ELMO1: variants seen among roughly 807,000 people sequenced by gnomAD.
ELMO1 encodes engulfment and cell motility 1, also known as engulfment and cell motility protein 1.
A neutral mutation model predicts 98.9 loss-of-function variants in ELMO1; 26 were observed. The ratio of observed to expected loss-of-function variants is 0.26; its 90% CI spans 0.19 to 0.36. The LOEUF (loss-of-function observed/expected upper bound fraction) is 0.36. Ranked by LOEUF, ELMO1 falls within the 10% of genes least tolerant of loss-of-function variation. The pLI is 1.00. For missense variants in ELMO1, 627 were observed against 935.2 expected (o/e 0.67, Z 4.30); for synonymous variants, 346 against 346.0 (o/e 1.00, Z 0.00).
chr7:37,161,333 A>G (rs535351734), intron 13 of ELMO1, among the ~76,000 whole-genome samples: 5 of 152,236 alleles, frequency 3.3e-5, no homozygotes, highest in South Asian at 4.1e-4. Context: ...CACCATTCTG[A>G]GCCCACACTT....
intron 21 of ELMO1, among the ~76,000 whole-genome samples, chr7:36,861,307 A>C (rs1036277588): frequency 6.6e-6 from 1 of 152,234 alleles, no homozygotes; most frequent in Non-Finnish European, 1.5e-5. Flanking sequence ...TTTAAAGAAG[A>C]GAGACCAGTT....
Position 37,363,815 on chromosome 7 carries a change from G to T in ELMO1, c.-73-21052C>A, listed in dbSNP as rs114812901. 3.4e-3 allele frequency among the ~76,000 whole-genome samples: 512 copies of T among 152,288 alleles called. 3 individuals are homozygous for T. The highest frequency in any genetic ancestry group is 0.012 in the African/African-American group (491 of 41,554). ...CCATAAGATCTAAACATTGGTAGAA[G>T]TTGAAAGAGAAGGAAGACACCTCCA... On this transcript the variant is annotated intron_variant, in intron 1 of 21. Transcript: ENST00000310758.
chr7:37,300,815 A>G (rs893247469), intron 4 of ELMO1, among the ~76,000 whole-genome samples: 5 of 151,064 alleles, frequency 3.3e-5, no homozygotes, highest in Admixed American at 1.3e-4. Flanking sequence ...CTCTTTTTCT[A>G]TTGATTGGAA....
intron 15 of ELMO1, among the ~76,000 whole-genome samples, chr7:37,072,002 T>C (rs1797300185): frequency 6.6e-6 from 1 of 152,224 alleles, no homozygotes; most frequent in Non-Finnish European, 1.5e-5. Flanking sequence ...AGTAAACAAG[T>C]TCTTCTTGAG....
chr7:36,919,544 A>T (rs1008776946), intron 16 of ELMO1: 6 of 374,698 alleles, frequency 1.6e-5, no homozygotes, highest in African/African-American at 1.3e-4. Context: ...TAATGGCATC[A>T]ACCTTGCTGG....
At chr7:37,239,194 C>T (rs1584857133) in intron 7 of ELMO1, among the ~76,000 whole-genome samples, 2 of 151,634 alleles carry the variant, frequency 1.3e-5, no homozygotes, top group Admixed American at 1.3e-4. Flanking sequence ...GAGATGGAGT[C>T]TCGCTCTGTC....
At chr7:37,211,553 GA>G in intron 12 of ELMO1, 36 bp from the exon 13 acceptor site, 1 of 1,605,494 alleles carries the variant, frequency 6.2e-7, no homozygotes. Flanking sequence ...AAAGGGAGGG[GA>G]AAAAGCTGCT....
intron 16 of ELMO1, among the ~76,000 whole-genome samples, chr7:36,899,340 G>C: frequency 6.6e-6 from 1 of 152,182 alleles, no homozygotes. Flanking sequence ...TTGAGGCAAG[G>C]AGGGGATGTT....
At chr7:37,063,074 CT>C (rs1796752884) in intron 15 of ELMO1, among the ~76,000 whole-genome samples, 1 of 152,128 alleles carries the variant, frequency 6.6e-6, no homozygotes, top group African/African-American at 2.4e-5. Flanking sequence ...GCTACCATAC[CT>C]GTGGTGTACC....
At chr7:36,987,087 G>A (rs376481218) in intron 16 of ELMO1, among the ~76,000 whole-genome samples, 2 of 152,178 alleles carry the variant, frequency 1.3e-5, no homozygotes, top group East Asian at 1.9e-4. Flanking sequence ...CTGGCGGCTT[G>A]TGGAAGATTT....
intron 13 of ELMO1, among the ~76,000 whole-genome samples, chr7:37,161,927 T>TATATATATATATATATATATAG (rs1789241269): frequency 9.4e-6 from 1 of 105,994 alleles, no homozygotes; most frequent in Non-Finnish European, 2.0e-5. Flanking sequence ...TATATATATA[T>TATATATATATATATATATATAG]ATATATATGT....
intron 13 of ELMO1, among the ~76,000 whole-genome samples, chr7:37,209,768 T>G (rs1792848985): frequency 6.6e-6 from 1 of 152,196 alleles, no homozygotes; most frequent in Admixed American, 6.5e-5. Flanking sequence ...GCAAGGTCAC[T>G]GCCACCCTGG....
chr7:36,948,066 T>G (rs558537116), intron 16 of ELMO1, among the ~76,000 whole-genome samples: 20 of 152,344 alleles, frequency 1.3e-4, no homozygotes, highest in African/African-American at 4.6e-4. Context: ...GTTCCTAGCA[T>G]GCAGAAGATG....
At chr7:37,097,861 C>T (rs1330577311) in intron 14 of ELMO1, among the ~76,000 whole-genome samples, 1 of 152,200 alleles carries the variant, frequency 6.6e-6, no homozygotes, top group Non-Finnish European at 1.5e-5. Flanking sequence ...CAACTACTTC[C>T]CTGTCTTTCC....
intron 12 of ELMO1, 124 bp from the exon 13 acceptor site, chr7:37,211,641 CA>C: frequency 7.7e-7 from 1 of 1,291,148 alleles, no homozygotes; most frequent in Non-Finnish European, 1.0e-6. Context: ...AAAAGAAAAA[CA>C]GATAAAAGAG....
chr7:37,209,415 A>G (rs1284361520), intron 13 of ELMO1, among the ~76,000 whole-genome samples: 1 of 152,160 alleles, frequency 6.6e-6, no homozygotes, highest in African/African-American at 2.4e-5. Flanking sequence ...CAGCACATGG[A>G]AAGAATTCAG....
intron 16 of ELMO1, among the ~76,000 whole-genome samples, chr7:36,967,007 G>C (rs538687268): frequency 5.9e-5 from 9 of 152,040 alleles, no homozygotes; most frequent in African/African-American, 2.2e-4. Flanking sequence ...AACGTGCTTG[G>C]TTGTAATTTA....
At chr7:37,082,951 G>A (rs1037887772) in intron 15 of ELMO1, among the ~76,000 whole-genome samples, 1 of 152,180 alleles carries the variant, frequency 6.6e-6, no homozygotes, top group African/African-American at 2.4e-5. Flanking sequence ...TCAAGAACAG[G>A]TGACAACAAA....
At chr7:37,200,840 G>T (rs1031529060) in intron 13 of ELMO1, among the ~76,000 whole-genome samples, 1 of 151,742 alleles carries the variant, frequency 6.6e-6, no homozygotes. Flanking sequence ...GGTGGTGAGC[G>T]CCTGTGGTCC....
Sources: allele counts gnomAD v4.1 joint callset (sites outside exome capture counted in the v4.1 genomes callset), GRCh38; gene constraint gnomAD v4.1.1; transcripts MANE v1.5; gene names NCBI Gene and HGNC (gene_info 2026-07-23, HGNC 2026-07-21).